ZNF608: variants seen among roughly 807,000 people sequenced by gnomAD.
ZNF608 encodes zinc finger protein 608.
A neutral mutation model predicts 109.0 loss-of-function variants in ZNF608; 12 were observed. That is an observed-to-expected ratio of 0.11 (90% CI 0.07 to 0.18). The LOEUF is 0.18. ZNF608 is among the 10% of genes least tolerant of loss of function. The probability of loss-of-function intolerance (pLI) is 1.00; values close to 1 mark genes in which losing one functional copy is unlikely to be tolerated. For synonymous variants in ZNF608, 732 were observed against 717.4 expected (o/e 1.02, Z -0.33); for missense variants, 1,707 against 1,879.3 (o/e 0.91, Z 1.70).
chr5:124,651,703 T>G (rs1417946269), intron 3 of ZNF608, among the ~76,000 whole-genome samples: 1 of 152,278 alleles, frequency 6.6e-6, no homozygotes, highest in African/African-American at 2.4e-5. Flanking sequence ...CCCCTAAGGG[T>G]TTCGCGTTTC....
At position 124,647,123 on chromosome 5, in the gene ZNF608, G is replaced by C. The variant is rs747719675; in HGVS notation, c.3261C>G (p.Leu1087=). ...SLYYGQYAYG[L]YMDQKSLMAT... ...CCATCAGAGACTTCTGGTCCATATAGAGCCCATATGCATACTGGCCATAAT... is the reference window on the plus strand; with the variant it reads ...CCATCAGAGACTTCTGGTCCATATACAGCCCATATGCATACTGGCCATAAT... Residue 1087 remains leucine (L), a synonymous_variant, in exon 5 of 10, where the codon CTC becomes CTG. Coordinates refer to ENST00000513986, the MANE Select transcript of ZNF608 (RefSeq NM_020747.3). The C allele has an allele frequency of 4.3e-6, 7 of 1,614,162 alleles. No individual in the cohort carries two copies. The Admixed American group carries it at 1.2e-4, about 27-fold the overall frequency.
At chr5:124,679,709 G>A (rs928307969) in intron 3 of ZNF608, among the ~76,000 whole-genome samples, 1 of 152,198 alleles carries the variant, frequency 6.6e-6, no homozygotes, top group Admixed American at 6.5e-5. Context: ...AAATACAGGT[G>A]ACTGAATGTG....
intron 2 of ZNF608, among the ~76,000 whole-genome samples, chr5:124,731,841 A>C (rs1383620710): frequency 6.6e-6 from 1 of 152,162 alleles, no homozygotes; most frequent in Non-Finnish European, 1.5e-5. Context: ...ACAAAAAAAA[A>C]GTTTGGAGTT....
intron 3 of ZNF608, among the ~76,000 whole-genome samples, chr5:124,659,380 C>T (rs540243910): frequency 3.5e-4 from 54 of 152,286 alleles, no homozygotes; most frequent in African/African-American, 1.3e-3. Context: ...TAACAGCTAT[C>T]TGCCACTTCC....
chr5:124,701,631 TAAC>T (rs1561570557), intron 2 of ZNF608, among the ~76,000 whole-genome samples: 2 of 152,200 alleles, frequency 1.3e-5, no homozygotes, highest in African/African-American at 2.4e-5. Context: ...TTAAAAATTA[TAAC>T]AGTTTCTAAA....
chr5:124,728,456 A>G (rs12519678), intron 2 of ZNF608, among the ~76,000 whole-genome samples: 21,511 of 152,128 alleles, frequency 0.14, 1,755 homozygotes, highest in Admixed American at 0.23. Context: ...CAATAATAAT[A>G]GCCTCACAGA....
intron 3 of ZNF608, among the ~76,000 whole-genome samples, chr5:124,667,767 CT>C (rs1751539298): frequency 6.6e-6 from 1 of 152,168 alleles, no homozygotes; most frequent in African/African-American, 2.4e-5. Context: ...ATTATGGTAT[CT>C]CTATCGTACA....
chr5:124,678,486 C>A (rs929191580), intron 3 of ZNF608, among the ~76,000 whole-genome samples: 2 of 152,178 alleles, frequency 1.3e-5, no homozygotes, highest in Non-Finnish European at 2.9e-5. Flanking sequence ...GTAGTCTAAA[C>A]AGACGGGGGA....
intron 3 of ZNF608, among the ~76,000 whole-genome samples, chr5:124,694,037 G>A (rs1422020705): frequency 1.8e-4 from 22 of 122,554 alleles, no homozygotes; most frequent in East Asian, 1.0e-3. Context: ...GTGCAGTGGC[G>A]CGATCTCGGC....
intron 2 of ZNF608, among the ~76,000 whole-genome samples, chr5:124,722,281 T>A (rs1187716719): frequency 1.3e-5 from 2 of 152,138 alleles, no homozygotes; most frequent in African/African-American, 4.8e-5. Flanking sequence ...TCCCCCTGCC[T>A]CCATGGCAAT....
rs755456092 is a variant in ZNF608, at chr5:124,641,340, G to C, written c.4362C>G (p.Pro1454=). Reference sequence around the variant, plus strand: ...GCGTGTGCAGGTGCCGCTGGCCGAAGGGGGAGTGGCGATCCCTTTCCCTTT... The same window carrying C: ...GCGTGTGCAGGTGCCGCTGGCCGAACGGGGAGTGGCGATCCCTTTCCCTTT... ...EAERERDRHS[P]FGQRHLHTHH... The change falls in exon 8 of 10, where the codon CCC becomes CCG. Residue 1454 remains proline, a synonymous_variant. Transcript: ENST00000513986. 1.9e-6 allele frequency: 3 copies of C among 1,613,942 alleles called. No individual in the cohort carries two copies. In the African/African-American group the frequency reaches 4.0e-5, roughly 22 times the overall value.
In ZNF608 at chr5:124,704,183, G is replaced by T. The variant is rs370516521; in HGVS notation, c.907-2914C>A. ...TACACTTAATCATAAATAGCACTCC[G>T]ATGTGATAATAGTCTTTAGACTATT... is the stretch of plus-strand genomic sequence containing the variant. On this transcript the variant is annotated intron_variant, in intron 2 of 9. Transcript: ENST00000513986. Among the ~76,000 whole-genome samples, 64 of 152,288 alleles carry T rather than the reference G, an allele frequency of 4.2e-4. 1 individual carries two copies. The highest frequency in any genetic ancestry group is 2.5e-4 in the Non-Finnish European group (17 of 68,026).
At position 124,648,355 on chromosome 5, in the gene ZNF608, A is replaced by G. The variant is rs200401440; in HGVS notation, c.2029T>C (p.Ser677Pro). Residue 677 changes from serine to proline, a missense_variant, in exon 5 of 10, where the codon TCC becomes CCC. This residue lies in a region of ZNF608 where 1,073 missense variants were observed against 1,133.5 expected (regional missense o/e 0.95). Transcript: ENST00000513986. ...NNELNNLPVI[S>P]NMTAALDSCS... Reference sequence around the variant, plus strand: ...CTGTCTAACGCAGCCGTCATGTTGGAGATTACTGGAAGGTTGTTCAGTTCA... The same window carrying G: ...CTGTCTAACGCAGCCGTCATGTTGGGGATTACTGGAAGGTTGTTCAGTTCA... 6 of 1,614,144 alleles carry G rather than the reference A, an allele frequency of 3.7e-6. No homozygotes were observed. In the Admixed American group the frequency reaches 1.0e-4, roughly 27 times the overall value.
At chr5:124,701,419 T>C (rs1753048026) in intron 2 of ZNF608, 150 bp from the exon 3 acceptor site, 5 of 1,023,030 alleles carry the variant, frequency 4.9e-6, no homozygotes, top group Non-Finnish European at 7.1e-6. Flanking sequence ...TGCCAAAATA[T>C]AAAGGAGAAT....
Position 124,744,526 on chromosome 5 carries a change from T to G in ZNF608, c.464A>C (p.Gln155Pro). Residue 155 changes from glutamine to proline, a missense_variant, in exon 2 of 10, where the codon CAA (glutamine) becomes CCA (proline). By Grantham distance (76) the Gln-to-Pro change is moderately conservative (BLOSUM62 -1). This residue lies in a region of ZNF608 where 407 missense variants were observed against 398.7 expected (regional missense o/e 1.02). Transcript: ENST00000513986. This position sits in a 1 kb window ranked among gnomAD's most constrained non-coding sequence, Gnocchi z 4.5. ...EATGMNSALG[Q>P]SVSSGGSGNP... ...GCCGCTGCCGCCGCTGCTCACACTT[T>G]GACCCAGCGCTGAATTCATGCCAGT... The G allele has an allele frequency of 6.2e-7, 1 of 1,614,222 alleles. No individual in the cohort carries two copies.
chr5:124,657,422 G>A (rs1247361310), intron 3 of ZNF608, among the ~76,000 whole-genome samples: 1 of 152,166 alleles, frequency 6.6e-6, no homozygotes, highest in Non-Finnish European at 1.5e-5. Context: ...TGCACTTTGG[G>A]AGGCCGAGGC....
rs1750617716 is a variant in ZNF608, at chr5:124,648,142, G to C, written c.2242C>G (p.Gln748Glu). Reference protein sequence around the residue: ...IAPAPAPTPPQLIAIPTATFT... With the variant: ...IAPAPAPTPPELIAIPTATFT... ...GTTGCAGTGGGTATAGCGATTAGCT[G>C]CGGGGGAGTGGGGGCTGGGGCAGGG... Residue 748 changes from glutamine (Q) to glutamate (E), a missense_variant, in exon 5 of 10, where the codon CAG (glutamine) becomes GAG (glutamate). Gln to Glu is a conservative substitution (Grantham distance 29, BLOSUM62 2). Coordinates refer to ENST00000513986, the MANE Select transcript of ZNF608 (RefSeq NM_020747.3). The C allele has an allele frequency of 3.7e-6, 6 of 1,613,904 alleles. No homozygotes were observed. The South Asian group carries it at 6.6e-5, about 18-fold the overall frequency.
At chr5:124,700,284 G>C (rs1156942484) in intron 3 of ZNF608, among the ~76,000 whole-genome samples, 1 of 152,206 alleles carries the variant, frequency 6.6e-6, no homozygotes, top group Non-Finnish European at 1.5e-5. Context: ...TGGTGGTCAT[G>C]TGCTATGAGA....
At chr5:124,694,887 C>G (rs371295008) in intron 3 of ZNF608, among the ~76,000 whole-genome samples, 1 of 152,194 alleles carries the variant, frequency 6.6e-6, no homozygotes, top group African/African-American at 2.4e-5. Flanking sequence ...TCACTGACAA[C>G]TTCCATGGCA....
Sources: allele counts gnomAD v4.1 joint callset (sites outside exome capture counted in the v4.1 genomes callset), GRCh38; gene constraint gnomAD v4.1.1; regional missense constraint gnomAD v4.1.1; non-coding constraint Gnocchi (gnomAD v3.1); transcripts MANE v1.5; gene names NCBI Gene and HGNC (gene_info 2026-07-23, HGNC 2026-07-21).